The following NCAM2 variants were observed in gnomAD, a reference collection of about 807,000 sequenced individuals.
NCAM2 encodes the protein N-CAM-2.
A neutral mutation model predicts 98.1 loss-of-function variants in NCAM2; 30 were observed. The ratio of observed to expected loss-of-function variants is 0.31; its 90% CI spans 0.23 to 0.41. The LOEUF is 0.41. Ranked by LOEUF, NCAM2 falls within the 10% of genes least tolerant of loss-of-function variation. The pLI is 1.00. For missense variants in NCAM2, 867 were observed against 1,005.8 expected (o/e 0.86, Z 1.87); for synonymous variants, 368 against 342.4 (o/e 1.07, Z -0.83).
intron 1 of NCAM2, among the ~76,000 whole-genome samples, chr21:21,276,488 G>A (rs920017744): frequency 6.6e-6 from 1 of 151,934 alleles, no homozygotes; most frequent in Non-Finnish European, 1.5e-5. Context: ...TAAGAAATTT[G>A]TGATGATATT....
chr21:21,481,344 G>C (rs1454134520), intron 15 of NCAM2, among the ~76,000 whole-genome samples: 1 of 152,130 alleles, frequency 6.6e-6, no homozygotes, highest in Non-Finnish European at 1.5e-5. Flanking sequence ...AAACAGGAGC[G>C]TAGTATCTTG....
intron 12 of NCAM2, among the ~76,000 whole-genome samples, chr21:21,466,404 T>G (rs1223038547): frequency 6.6e-6 from 1 of 151,936 alleles, no homozygotes; most frequent in African/African-American, 2.4e-5. Flanking sequence ...AAAGCTAAAA[T>G]AGAGGTGAAG....
At chr21:21,516,353 A>G (rs1005175926) in intron 16 of NCAM2, among the ~76,000 whole-genome samples, 9 of 152,110 alleles carry the variant, frequency 5.9e-5, no homozygotes, top group Admixed American at 5.9e-4. Context: ...TTGGGAAGTA[A>G]TATATTTTAA....
chr21:21,535,766 C>T (rs1989948265), intron 17 of NCAM2, among the ~76,000 whole-genome samples: 1 of 151,876 alleles, frequency 6.6e-6, no homozygotes, highest in African/African-American at 2.4e-5. Flanking sequence ...TTGGACCAGG[C>T]TATATTTTGG....
Position 21,204,940 on chromosome 21 carries a change from G to GT in NCAM2, c.56-75637dup, listed in dbSNP as rs1210552595. Among the ~76,000 whole-genome samples the GT allele has an allele frequency of 9.9e-5, 15 of 152,126 alleles. No individual in the cohort carries two copies. The South Asian group carries it at 2.7e-3, about 27-fold the overall frequency. On this transcript the variant is annotated intron_variant, in intron 1 of 17. Transcript: ENST00000400546. ...TCCGTTCACTCTTTGCCTCCTTTGT[G>GT]TAAGTTCGAACTCTCCTTTTTCTAA...
At chr21:21,514,511 G>C (rs993552954) in intron 16 of NCAM2, among the ~76,000 whole-genome samples, 9 of 149,396 alleles carry the variant, frequency 6.0e-5, no homozygotes, top group Non-Finnish European at 1.0e-4. Context: ...TTTCTCTGGT[G>C]AACAGAAGTG....
chr21:21,239,858 G>A (rs1418433930), intron 1 of NCAM2, among the ~76,000 whole-genome samples: 1 of 152,028 alleles, frequency 6.6e-6, no homozygotes, highest in Non-Finnish European at 1.5e-5. Context: ...TTTAAATCTT[G>A]TGTCTATATT....
chr21:21,209,087 A>G (rs192852296), intron 1 of NCAM2, among the ~76,000 whole-genome samples: 1 of 152,288 alleles, frequency 6.6e-6, no homozygotes, highest in African/African-American at 2.4e-5. Flanking sequence ...TGCTTTATCG[A>G]CACCTTGATG....
At chr21:21,306,687 G>GAGTTACAAACAATCC (rs1453961428) in intron 5 of NCAM2, among the ~76,000 whole-genome samples, 80 of 152,196 alleles carry the variant, frequency 5.3e-4, no homozygotes, top group African/African-American at 1.8e-3. Flanking sequence ...TTTTTCCTTT[G>GAGTTACAAACAATCC]AGTTACAAAC....
At chr21:21,070,749 G>A (rs8133650) in intron 1 of NCAM2, among the ~76,000 whole-genome samples, 5,634 of 152,230 alleles carry the variant, frequency 0.037, 327 homozygotes, top group African/African-American at 0.13. Context: ...AGATGGCAAG[G>A]ATTATGGATA....
chr21:21,150,974 A>T (rs781188733), intron 1 of NCAM2, among the ~76,000 whole-genome samples: 4 of 101,196 alleles, frequency 4.0e-5, no homozygotes, highest in Non-Finnish European at 9.6e-5. Context: ...GGAAGATTTT[A>T]AAAATATATA....
intron 14 of NCAM2, among the ~76,000 whole-genome samples, chr21:21,470,377 C>A (rs963129342): frequency 6.6e-6 from 1 of 152,108 alleles, no homozygotes; most frequent in East Asian, 1.9e-4. Flanking sequence ...ATGTGTGAAA[C>A]ACAGATGGAT....
chr21:21,282,007 T>G (rs1269772601), intron 2 of NCAM2, among the ~76,000 whole-genome samples: 1 of 151,914 alleles, frequency 6.6e-6, no homozygotes, highest in Admixed American at 6.6e-5. Flanking sequence ...TTCTTAAAGA[T>G]GTCAGTTGAT....
intron 15 of NCAM2, among the ~76,000 whole-genome samples, chr21:21,491,913 T>A (rs1569115637): frequency 6.6e-6 from 1 of 151,548 alleles, no homozygotes; most frequent in Non-Finnish European, 1.5e-5. Flanking sequence ...ACCAGAACAG[T>A]TATTTCTTTT....
At chr21:21,097,840 C>A (rs2066154540) in intron 1 of NCAM2, among the ~76,000 whole-genome samples, 1 of 150,256 alleles carries the variant, frequency 6.7e-6, no homozygotes, top group Admixed American at 6.7e-5. Flanking sequence ...CAAATATAAC[C>A]CAGAATTGAA....
intron 1 of NCAM2, among the ~76,000 whole-genome samples, chr21:21,205,627 A>G (rs1268254445): frequency 6.6e-6 from 1 of 152,182 alleles, no homozygotes; most frequent in Non-Finnish European, 1.5e-5. Flanking sequence ...AATATCCAGG[A>G]TCTTTAATTT....
intron 10 of NCAM2, among the ~76,000 whole-genome samples, chr21:21,414,199 T>C (rs955577867): frequency 7.9e-5 from 12 of 152,206 alleles, no homozygotes; most frequent in African/African-American, 2.9e-4. Context: ...TTTCTAATTC[T>C]AGCTCTCTAT....
At chr21:21,523,146 C>T (rs777499774) in intron 16 of NCAM2, among the ~76,000 whole-genome samples, 6 of 152,116 alleles carry the variant, frequency 3.9e-5, no homozygotes, top group Non-Finnish European at 8.8e-5. Flanking sequence ...GTTGTCTCTT[C>T]ACTTTACTGA....
intron 8 of NCAM2, among the ~76,000 whole-genome samples, chr21:21,353,868 G>A (rs1038494105): frequency 1.3e-4 from 20 of 152,228 alleles, no homozygotes; most frequent in African/African-American, 4.6e-4. Context: ...CACAAAACAA[G>A]TTATTGAAGA....
Sources: gnomAD v4.1 joint callset for allele counts (sites outside exome capture counted in the v4.1 genomes callset) on GRCh38, gnomAD v4.1.1 for gene constraint, MANE v1.5 for transcripts, NCBI Gene and HGNC (gene_info 2026-07-23, HGNC 2026-07-21) for gene names.